Variants in ZFHX3 observed in about 807,000 individuals in gnomAD.
ZFHX3 encodes the protein zinc finger homeobox protein 3.
In ZFHX3, 42 loss-of-function variants were observed where a neutral mutation model predicts 279.1. That is an observed-to-expected ratio of 0.15 (90% CI 0.12 to 0.19). The LOEUF is 0.19. ZFHX3 is among the 10% of genes least tolerant of loss of function. ZFHX3 has a pLI of 1.00. For missense variants in ZFHX3, 4,981 were observed against 4,754.0 expected (o/e 1.05, Z -1.40); for synonymous variants, 2,293 against 1,957.8 (o/e 1.17, Z -4.52).
At chr16:73,238,800 C>A (rs192130614) in intron 5 of ZFHX3, among the ~76,000 whole-genome samples, 12 of 152,158 alleles carry the variant, frequency 7.9e-5, no homozygotes, top group Admixed American at 1.3e-4. Context: ...TGCCCCATAA[C>A]TCTTTCATGC....
At chr16:72,870,733 AAAAG>A (rs2038140660) in intron 4 of ZFHX3, among the ~76,000 whole-genome samples, 1 of 151,392 alleles carries the variant, frequency 6.6e-6, no homozygotes. Flanking sequence ...AAAAAAAAAA[AAAAG>A]AAAGAACATG....
chr16:73,436,059 G>GA (rs2017992380), intron 3 of ZFHX3, among the ~76,000 whole-genome samples: 2 of 152,250 alleles, frequency 1.3e-5, no homozygotes, highest in Non-Finnish European at 2.9e-5. Flanking sequence ...GCCCGGCGCG[G>GA]TGGCTCACGC....
chr16:72,888,907 G>A (rs1784160701), intron 4 of ZFHX3, among the ~76,000 whole-genome samples: 1 of 152,138 alleles, frequency 6.6e-6, no homozygotes, highest in Admixed American at 6.5e-5. Context: ...TAGGATGAAA[G>A]GAGAGCTTTT....
At chr16:73,735,500 C>T (rs1011360786) in intron 1 of ZFHX3, among the ~76,000 whole-genome samples, 8 of 151,710 alleles carry the variant, frequency 5.3e-5, no homozygotes, top group East Asian at 3.9e-4. Context: ...TGGAATCATA[C>T]GGTTACAATA....
At chr16:73,841,806 GC>G (rs1257675065) in intron 1 of ZFHX3, among the ~76,000 whole-genome samples, 1 of 152,214 alleles carries the variant, frequency 6.6e-6, no homozygotes, top group Admixed American at 6.5e-5. Context: ...AGTGGAGGCT[GC>G]CAGGGAAGAG....
chr16:73,029,581 A>G (rs909983622), intron 1 of ZFHX3, among the ~76,000 whole-genome samples: 5 of 152,240 alleles, frequency 3.3e-5, no homozygotes, highest in Non-Finnish European at 7.3e-5. Context: ...GGAGTATTAG[A>G]GAGAAAACAG....
Position 73,473,780 on chromosome 16 carries a change from C to G in ZFHX3, c.-1546-17522G>C, listed in dbSNP as rs544490568. On this transcript the variant is annotated intron_variant, in intron 2 of 17. Transcript: ENST00000641206. ...CTGGTTTTCCCATCTGTTTCTTTAACAAATGGGAGCTTAAGCCCATAGGGA... is the reference window on the plus strand; with the variant it reads ...CTGGTTTTCCCATCTGTTTCTTTAAGAAATGGGAGCTTAAGCCCATAGGGA... Among the ~76,000 whole-genome samples, 2 of 152,292 alleles carry G rather than the reference C, an allele frequency of 1.3e-5. 1 individual carries two copies. The highest frequency in any genetic ancestry group is 4.1e-4 in the South Asian group (2 of 4,824).
intron 5 of ZFHX3, among the ~76,000 whole-genome samples, chr16:73,237,013 C>T (rs567050566): frequency 6.6e-6 from 1 of 152,304 alleles, no homozygotes; most frequent in African/African-American, 2.4e-5. Context: ...GTGCTCTTCA[C>T]ACATATTACC....
At chr16:73,728,575 C>T (rs971689805) in intron 1 of ZFHX3, among the ~76,000 whole-genome samples, 7 of 152,084 alleles carry the variant, frequency 4.6e-5, no homozygotes, top group Admixed American at 3.3e-4. Flanking sequence ...TATACGATAA[C>T]TCTTGTGAGT....
At chr16:73,070,773 G>A (rs1212366669) in intron 8 of ZFHX3, among the ~76,000 whole-genome samples, 1 of 150,622 alleles carries the variant, frequency 6.6e-6, no homozygotes, top group African/African-American at 2.4e-5. Context: ...CCTGCATTCC[G>A]GTATCCATCC....
chr16:73,836,252 G>A (rs1961142159), intron 1 of ZFHX3, among the ~76,000 whole-genome samples: 1 of 152,136 alleles, frequency 6.6e-6, no homozygotes, highest in Admixed American at 6.5e-5. Context: ...TTATTTGATT[G>A]CATGTGTTTG....
chr16:73,014,054 G>A (rs1386519093), intron 1 of ZFHX3, among the ~76,000 whole-genome samples: 4 of 152,198 alleles, frequency 2.6e-5, no homozygotes, highest in African/African-American at 9.6e-5. Flanking sequence ...TACAACAGGG[G>A]CAAAGGAGAG....
At chr16:73,276,164 T>C (rs2143043532) in intron 4 of ZFHX3, among the ~76,000 whole-genome samples, 1 of 150,694 alleles carries the variant, frequency 6.6e-6, no homozygotes, top group East Asian at 1.9e-4. Context: ...ATTTCTTTTC[T>C]TCCTTTTTCT....
intron 1 of ZFHX3, among the ~76,000 whole-genome samples, chr16:73,007,730 T>A (rs1963763011): frequency 6.6e-6 from 1 of 152,140 alleles, no homozygotes; most frequent in South Asian, 2.1e-4. Flanking sequence ...CATACAGGCG[T>A]GAGCCACCGC....
At chr16:73,303,919 A>T (rs2015116368) in intron 4 of ZFHX3, among the ~76,000 whole-genome samples, 1 of 146,376 alleles carries the variant, frequency 6.8e-6, no homozygotes, top group African/African-American at 2.5e-5. Flanking sequence ...TGAATCACTA[A>T]GTGATGCTCA....
chr16:73,438,023 G>A (rs182787272), intron 3 of ZFHX3, among the ~76,000 whole-genome samples: 20 of 151,952 alleles, frequency 1.3e-4, no homozygotes, highest in Non-Finnish European at 2.8e-4. Context: ...TTCTTGAGTT[G>A]GGTGTTCTAA....
rs117901386 is a variant in ZFHX3, at chr16:73,001,143, G to A, written c.-49-40949C>T. On this transcript the variant is annotated intron_variant, in intron 1 of 9. Coordinates refer to ENST00000268489, the MANE Select transcript of ZFHX3 (RefSeq NM_006885.4). ...AGGCTGCAAAGAAACCGTCATTTTA[G>A]TCATCTGCACCCTTCTCCTCCTCCT... 3.8e-4 allele frequency among the ~76,000 whole-genome samples: 58 copies of A among 152,314 alleles called. No homozygotes were observed. The East Asian group carries it at 0.011, about 28-fold the overall frequency.
At chr16:73,379,930 T>C (rs941855270) in intron 3 of ZFHX3, among the ~76,000 whole-genome samples, 3 of 152,182 alleles carry the variant, frequency 2.0e-5, no homozygotes, top group African/African-American at 7.2e-5. Context: ...ACCAGAAATT[T>C]TGGAGACTAA....
At chr16:73,058,330 C>G (rs1434681798) in intron 1 of ZFHX3, among the ~76,000 whole-genome samples, 1 of 145,786 alleles carries the variant, frequency 6.9e-6, no homozygotes, top group Non-Finnish European at 1.5e-5. Context: ...CGGGACGCAG[C>G]GAGCGAGCAG....
Sources: gnomAD v4.1 joint callset for allele counts (sites outside exome capture counted in the v4.1 genomes callset) on GRCh38, gnomAD v4.1.1 for gene constraint, MANE v1.5 for transcripts, NCBI Gene and HGNC (gene_info 2026-07-23, HGNC 2026-07-21) for gene names.